VTI1A: variants seen among roughly 807,000 people sequenced by gnomAD.
VTI1A encodes the protein vesicle transport through interaction with t-SNAREs homolog 1A.
A neutral mutation model predicts 34.9 loss-of-function variants in VTI1A; 22 were observed. The ratio of observed to expected loss-of-function variants is 0.63; its 90% CI spans 0.45 to 0.90. VTI1A has a LOEUF of 0.90. Among genes scored for constraint, VTI1A ranks in the 40% least tolerant of loss-of-function variants. The probability of loss-of-function intolerance (pLI) is 0.00; values close to 1 mark genes in which losing one functional copy is unlikely to be tolerated. For missense variants in VTI1A, 268 were observed against 275.6 expected, an observed-to-expected ratio of 0.97 and a Z score of 0.20; for synonymous variants, 87 against 97.3, an observed-to-expected ratio of 0.89 and a Z score of 0.62.
chr10:112,726,953 G>A (rs879661685), intron 7 of VTI1A, among the ~76,000 whole-genome samples: 7 of 152,212 alleles, frequency 4.6e-5, no homozygotes, highest in Middle Eastern at 3.4e-3. Flanking sequence ...ATGTCATTCC[G>A]TGACATCATA....
intron 3 of VTI1A, among the ~76,000 whole-genome samples, chr10:112,523,868 A>C (rs1211085985): frequency 1.3e-5 from 2 of 152,144 alleles, no homozygotes; most frequent in African/African-American, 4.8e-5. Context: ...TTCCAGCTCA[A>C]ATTCTCATGT....
chr10:112,840,434 C>T, the VTI1A span, among the ~76,000 whole-genome samples: 2 of 152,212 alleles, frequency 1.3e-5, no homozygotes, highest in Non-Finnish European at 2.9e-5. Context: ...TCTGCCAAAA[C>T]ACAAGTGATG....
At chr10:112,681,766 A>G (rs1194883691) in intron 7 of VTI1A, among the ~76,000 whole-genome samples, 1 of 152,226 alleles carries the variant, frequency 6.6e-6, no homozygotes, top group Non-Finnish European at 1.5e-5. Context: ...CATTTTAAAG[A>G]CAGGTCTTTG....
At chr10:112,787,257 C>A (rs894226046) in intron 7 of VTI1A, among the ~76,000 whole-genome samples, 5 of 152,074 alleles carry the variant, frequency 3.3e-5, no homozygotes, top group Non-Finnish European at 5.9e-5. Context: ...TTCTTTCATT[C>A]CTGATATTGG....
chr10:112,516,046 C>T (rs1434039665), intron 3 of VTI1A, among the ~76,000 whole-genome samples: 1 of 152,046 alleles, frequency 6.6e-6, no homozygotes, highest in Admixed American at 6.6e-5. Context: ...ATTTGTATGA[C>T]AGTTCAATCT....
intron 5 of VTI1A, among the ~76,000 whole-genome samples, chr10:112,632,192 C>T (rs772525234): frequency 2.0e-5 from 3 of 152,020 alleles, no homozygotes; most frequent in Non-Finnish European, 4.4e-5. Context: ...GAATGTATTG[C>T]GTAGTCTTTT....
intron 7 of VTI1A, among the ~76,000 whole-genome samples, chr10:112,766,880 A>C (rs1851665631): frequency 6.6e-6 from 1 of 152,246 alleles, no homozygotes; most frequent in African/African-American, 2.4e-5. Flanking sequence ...GATGGAAGCT[A>C]AGGATTTCTT....
Position 112,818,719 on chromosome 10 carries a change from T to C in VTI1A, c.*3336T>C, listed in dbSNP as rs367900393. The C allele has an allele frequency of 5.0e-6, 1 of 199,048 alleles. No individual in the cohort carries two copies. Among genetic ancestry groups the C allele is most frequent in the African/African-American group, 2.3e-5 (1 of 43,402 alleles). 12.3% of individuals were successfully genotyped at this position (199,048 alleles called of 1,614,324 possible). A position where few individuals can be genotyped will look rare whatever the true frequency, so the allele number is the denominator to read the frequency against. The stretch of plus-strand genomic sequence containing the variant: ...CCCACCATTACGTTCATTAACAAAT[T>C]GCATTAAACAACTGTTAAGGGCTAA... On this transcript the variant is annotated 3_prime_UTR_variant, in exon 8 of 8. Transcript: ENST00000393077.
At chr10:112,504,948 G>T (rs939968950) in intron 3 of VTI1A, among the ~76,000 whole-genome samples, 1 of 151,296 alleles carries the variant, frequency 6.6e-6, no homozygotes, top group Non-Finnish European at 1.5e-5. Context: ...TGGTGGGGGG[G>T]TGTGTGGGGA....
chr10:112,854,123 C>G, the VTI1A span, among the ~76,000 whole-genome samples: 1 of 152,332 alleles, frequency 6.6e-6, no homozygotes, highest in African/African-American at 2.4e-5. Flanking sequence ...CTCCAGGGAA[C>G]ACTGTTCACA....
chr10:112,561,944 C>A (rs2061441490), intron 5 of VTI1A, among the ~76,000 whole-genome samples: 1 of 152,294 alleles, frequency 6.6e-6, no homozygotes, highest in South Asian at 2.1e-4. Context: ...ATTAAAAAAT[C>A]TATCATCGAA....
At chr10:112,708,911 C>T (rs7910922) in intron 7 of VTI1A, among the ~76,000 whole-genome samples, 1,906 of 152,290 alleles carry the variant, frequency 0.013, 35 homozygotes, top group African/African-American at 0.042. Flanking sequence ...CTCCTAAAAG[C>T]GCAAAGAGCA....
At chr10:112,672,919 A>G (rs1206653227) in intron 7 of VTI1A, among the ~76,000 whole-genome samples, 2 of 152,214 alleles carry the variant, frequency 1.3e-5, no homozygotes, top group Non-Finnish European at 2.9e-5. Context: ...GGAATGTAAC[A>G]AAGTTATAGC....
At chr10:112,576,969 G>A (rs113760182) in intron 5 of VTI1A, among the ~76,000 whole-genome samples, 3,591 of 152,210 alleles carry the variant, frequency 0.024, 62 homozygotes, top group East Asian at 0.079. Context: ...AAAAAGAAAT[G>A]GCAGTCTTGA....
intron 7 of VTI1A, among the ~76,000 whole-genome samples, chr10:112,700,483 C>T (rs186676292): frequency 2.6e-3 from 395 of 152,324 alleles, no homozygotes; most frequent in Non-Finnish European, 3.3e-3. Context: ...TCTTGATCTT[C>T]ACAACAACTC....
At chr10:112,518,948 G>A (rs929450838) in intron 3 of VTI1A, among the ~76,000 whole-genome samples, 5 of 151,738 alleles carry the variant, frequency 3.3e-5, no homozygotes, top group East Asian at 1.9e-4. Context: ...AGAAGTAACC[G>A]TCAAAATGTT....
At chr10:112,652,180 T>C (rs1047453565) in intron 5 of VTI1A, among the ~76,000 whole-genome samples, 8 of 152,228 alleles carry the variant, frequency 5.3e-5, no homozygotes, top group Non-Finnish European at 7.3e-5. Flanking sequence ...GTCTAAACTT[T>C]AGCGTAGACA....
intron 7 of VTI1A, among the ~76,000 whole-genome samples, chr10:112,813,940 G>A (rs903934112): frequency 2.6e-5 from 4 of 152,196 alleles, no homozygotes; most frequent in African/African-American, 9.7e-5. Context: ...TTTGTTACCT[G>A]TCAGGAGGAG....
chr10:112,791,029 C>G (rs1433794615), intron 7 of VTI1A, among the ~76,000 whole-genome samples: 1 of 152,174 alleles, frequency 6.6e-6, no homozygotes, highest in Non-Finnish European at 1.5e-5. Flanking sequence ...GCTCTGCATG[C>G]TCTTGTTTCA....
Sources: allele counts gnomAD v4.1 joint callset (sites outside exome capture counted in the v4.1 genomes callset), GRCh38; gene constraint gnomAD v4.1.1; transcripts MANE v1.5; gene names NCBI Gene and HGNC (gene_info 2026-07-23, HGNC 2026-07-21).